The following SEC61A1 variants were observed in gnomAD, a reference collection of about 807,000 sequenced individuals.
SEC61A1 encodes the protein SEC61 translocon subunit alpha 1, also known as protein transport protein Sec61 subunit alpha isoform 1.
A neutral mutation model predicts 55.2 loss-of-function variants in SEC61A1; 15 were observed. That is an observed-to-expected ratio of 0.27 (90% CI 0.18 to 0.42). The LOEUF (loss-of-function observed/expected upper bound fraction) is 0.42. Among genes scored for constraint, SEC61A1 ranks in the 10% least tolerant of loss-of-function variants. The pLI is 1.00. For synonymous variants in SEC61A1, 247 were observed against 234.0 expected (o/e 1.06, Z -0.51); for missense variants, 284 against 602.6 (o/e 0.47, Z 5.53).
Position 128,071,030 on chromosome 3 carries a change from T to A in SEC61A1, c.*1368T>A, listed in dbSNP as rs886444313. On this transcript the variant is annotated 3_prime_UTR_variant, in exon 12 of 12. Coordinates refer to ENST00000243253, the MANE Select transcript of SEC61A1 (RefSeq NM_013336.4). ...CCTAAGAAGGGGGCCTGGGGGTGCG[T>A]GCAGCCTGTCGGGGAGACCCCACTC... 8.5e-5 allele frequency: 13 copies of A among 152,310 alleles called. No homozygotes were observed. The highest frequency in any genetic ancestry group is 3.1e-4 in the African/African-American group (13 of 41,454). 9.4% of individuals were successfully genotyped at this position (152,310 alleles called of 1,614,324 possible). A position where few individuals can be genotyped will look rare whatever the true frequency, so the allele number is the denominator to read the frequency against.
chr3:128,054,886 G>A (rs575258869), intron 2 of SEC61A1, among the ~76,000 whole-genome samples: 1 of 152,314 alleles, frequency 6.6e-6, no homozygotes, highest in East Asian at 1.9e-4. Context: ...CATCTTTACA[G>A]TGATTCTTGT....
intron 5 of SEC61A1, among the ~76,000 whole-genome samples, chr3:128,058,075 T>C (rs1941798825): frequency 6.6e-6 from 1 of 152,162 alleles, no homozygotes; most frequent in Admixed American, 6.5e-5. Flanking sequence ...TTAGCCTCTG[T>C]TTGCTGAAAA....
At position 128,067,849 on chromosome 3, in the gene SEC61A1, C is replaced by G. The variant is rs569165517; in HGVS notation, c.1168-134C>G. 1.3e-6 allele frequency: 1 copy of G among 770,826 alleles called. No homozygotes were observed. The highest frequency in any genetic ancestry group is 2.2e-6 in the Non-Finnish European group (1 of 451,418). The allele number at this position is 770,826 out of a possible 1,614,324, so 47.7% of individuals were successfully genotyped here. On this transcript the variant is annotated intron_variant, in intron 10 of 11. Coordinates refer to ENST00000243253, the MANE Select transcript of SEC61A1 (RefSeq NM_013336.4). This position sits in a 1 kb window ranked among gnomAD's most constrained non-coding sequence, Gnocchi z 4.1. ...TAGACTTTTTCATATGACTTCCTTG[C>G]GGCAGTTTTAAAGTTCTCTGTATGA...
rs1478129713 is a variant in SEC61A1, at chr3:128,070,098, T to C, written c.*436T>C. On this transcript the variant is annotated 3_prime_UTR_variant, in exon 12 of 12. Coordinates refer to ENST00000243253, the MANE Select transcript of SEC61A1 (RefSeq NM_013336.4). ...GGTGTGAAGCTGGGAGCAGATCATG[T>C]ATTTCCCGGAGACGTGGGACCTTGC... 1.3e-5 allele frequency: 2 copies of C among 156,660 alleles called. No homozygotes were observed. Among genetic ancestry groups the C allele is most frequent in the African/African-American group, 4.8e-5 (2 of 41,530 alleles). The allele number at this position is 156,660 out of a possible 1,614,324, so 9.7% of individuals were successfully genotyped here.
rs772756077 is a variant in SEC61A1, at chr3:128,064,865, C to T, written c.617-12C>T. 4.4e-6 allele frequency: 7 copies of T among 1,584,646 alleles called. 1 individual carries two copies. The highest frequency in any genetic ancestry group is 5.2e-6 in the Non-Finnish European group (6 of 1,164,358). On this transcript the variant is annotated splice_polypyrimidine_tract_variant and intron_variant, in intron 7 of 11. Transcript: ENST00000243253. Reference sequence around the variant, plus strand: ...TTCGTTCCTTCATATATGTCTCCTCCTCTGCCAACAGGAATGGAATTTGAA... The same window carrying T: ...TTCGTTCCTTCATATATGTCTCCTCTTCTGCCAACAGGAATGGAATTTGAA...
rs746645553 is a variant in SEC61A1, at chr3:128,055,505, T to G, written c.76-11T>G. 3 of 1,603,030 alleles carry G rather than the reference T, an allele frequency of 1.9e-6. No homozygotes were observed. The highest frequency in any genetic ancestry group is 4.5e-5 in the East Asian group (2 of 44,824). On this transcript the variant is annotated splice_polypyrimidine_tract_variant and intron_variant, in intron 2 of 11. Coordinates refer to ENST00000243253, the MANE Select transcript of SEC61A1 (RefSeq NM_013336.4). ...TAACTCCCTGCTTCAATTCATTCTCTCCTACTCTAGATTCAGTTTAAGGAG... is the reference window on the plus strand; with the variant it reads ...TAACTCCCTGCTTCAATTCATTCTCGCCTACTCTAGATTCAGTTTAAGGAG...
rs374916673 is a variant in SEC61A1 at position 128,056,697 on chromosome 3, C to T, written c.221-12C>T. 9.2e-6 allele frequency: 14 copies of T among 1,517,900 alleles called. No homozygotes were observed. The highest frequency in any genetic ancestry group is 4.2e-5 in the African/African-American group (3 of 71,842). The allele number at this position is 1,517,900 out of a possible 1,614,324, so 94.0% of individuals were successfully genotyped here. The stretch of plus-strand genomic sequence containing the variant: ...GCTGATATTGACTGTTTTGCTTCCC[C>T]GTTTCCTCAAGGCACATTGATGGAG... On this transcript the variant is annotated splice_polypyrimidine_tract_variant and intron_variant, in intron 4 of 11. Transcript: ENST00000243253.
At chr3:128,061,389 A>G (rs1941848799) in intron 7 of SEC61A1, among the ~76,000 whole-genome samples, 1 of 152,248 alleles carries the variant, frequency 6.6e-6, no homozygotes, top group East Asian at 1.9e-4. Context: ...GAAGCCTTAG[A>G]GAGTGTGACT....
intron 2 of SEC61A1, among the ~76,000 whole-genome samples, chr3:128,054,437 C>G (rs1941739830): frequency 6.6e-6 from 1 of 152,178 alleles, no homozygotes; most frequent in Non-Finnish European, 1.5e-5. Flanking sequence ...GGGAAGAGGA[C>G]CATTCTCAAG....
At position 128,069,908 on chromosome 3, in the gene SEC61A1, G is replaced by C. The variant is rs1242231255; in HGVS notation, c.*246G>C. The C allele has an allele frequency of 2.1e-6, 1 of 472,788 alleles. No homozygotes were observed. The highest frequency in any genetic ancestry group is 3.8e-6 in the Non-Finnish European group (1 of 265,066). The allele number at this position is 472,788 out of a possible 1,614,324, so 29.3% of individuals were successfully genotyped here. A position where few individuals can be genotyped will look rare whatever the true frequency, so the allele number is the denominator to read the frequency against. ...GCCGACTGCCAGAGAAGTGGGAATG[G>C]TATAGGATTGTCCCCAAGTGTCCAT... On this transcript the variant is annotated 3_prime_UTR_variant, in exon 12 of 12. Coordinates refer to ENST00000243253, the MANE Select transcript of SEC61A1 (RefSeq NM_013336.4).
intron 4 of SEC61A1, among the ~76,000 whole-genome samples, chr3:128,056,367 T>C (rs1941770870): frequency 6.6e-6 from 1 of 152,238 alleles, no homozygotes; most frequent in Non-Finnish European, 1.5e-5. Context: ...CTGGAAATTA[T>C]TTGAATGTTA....
chr3:128,064,859 C>T lies in SEC61A1; in HGVS notation c.617-18C>T, dbSNP rs1389409969. On this transcript the variant is annotated intron_variant, in intron 7 of 11. Coordinates refer to ENST00000243253, the MANE Select transcript of SEC61A1 (RefSeq NM_013336.4). ...TGCCTGTTCGTTCCTTCATATATGT[C>T]TCCTCCTCTGCCAACAGGAATGGAA... 18 of 1,576,702 alleles carry T rather than the reference C, an allele frequency of 1.1e-5. No homozygotes were observed. The highest frequency in any genetic ancestry group is 8.3e-5 in the South Asian group (7 of 84,086).
In SEC61A1 at chr3:128,060,100, A is replaced by G; in HGVS notation, c.353-2A>G. The G allele has an allele frequency of 6.2e-7, 1 of 1,606,092 alleles. No individual in the cohort carries two copies. The highest frequency in any genetic ancestry group is 8.5e-7 in the Non-Finnish European group (1 of 1,172,888). Reference sequence around the variant, plus strand: ...GAAAACACTTCTTTCTTTCAATTCTAGTATTTGGCATGATCATTACTATCG... The same window carrying G: ...GAAAACACTTCTTTCTTTCAATTCTGGTATTTGGCATGATCATTACTATCG... On this transcript the variant is annotated splice_acceptor_variant, in intron 5 of 11. Coordinates refer to ENST00000243253, the MANE Select transcript of SEC61A1 (RefSeq NM_013336.4). LOFTEE classifies it high-confidence loss of function.
At chr3:128,052,812 C>T (rs1228386366) in intron 1 of SEC61A1, 23 bp from the exon 2 acceptor site, 1 of 1,607,128 alleles carries the variant, frequency 6.2e-7, no homozygotes, top group Non-Finnish European at 8.5e-7. Flanking sequence ...CCAACTCTTC[C>T]TGTTTTGTTT....
At chr3:128,065,108 C>T (rs988823014) in intron 8 of SEC61A1, 71 bp downstream of exon 8, 3 of 1,478,080 alleles carry the variant, frequency 2.0e-6, no homozygotes, top group Non-Finnish European at 1.9e-6. Context: ...TGTGTGCAGT[C>T]CCCCACTCTG....
At chr3:128,061,101 A>G (rs2335771) in intron 7 of SEC61A1, among the ~76,000 whole-genome samples, 95,646 of 152,136 alleles carry the variant, frequency 0.63, 30,206 homozygotes, top group East Asian at 0.8. Context: ...GCACTTGGTC[A>G]TGCAAGGGGC....
intron 8 of SEC61A1, chr3:128,065,240 AT>A: frequency 1.5e-6 from 1 of 665,170 alleles, no homozygotes; most frequent in East Asian, 2.7e-5. Flanking sequence ...ACGAAACAAA[AT>A]TAAGGCAGTT....
intron 8 of SEC61A1, 70 bp downstream of exon 8, chr3:128,065,107 T>A (rs778718947): frequency 4.1e-5 from 61 of 1,480,756 alleles, no homozygotes; most frequent in Non-Finnish European, 5.6e-5. Context: ...TTGTGTGCAG[T>A]CCCCCACTCT....
upstream of SEC61A1, chr3:128,052,399 CCGCGCCGCGCCG>C: frequency 1.6e-6 from 2 of 1,212,738 alleles, no homozygotes; most frequent in Non-Finnish European, 2.1e-6. Context: ...CGGCCCCGCC[CCGCGCCGCGCCG>C]CGCCGCTTGC....
Sources: gnomAD v4.1 joint callset for allele counts (sites outside exome capture counted in the v4.1 genomes callset) on GRCh38, gnomAD v4.1.1 for gene constraint, Gnocchi (gnomAD v3.1) non-coding constraint, MANE v1.5 for transcripts, NCBI Gene and HGNC (gene_info 2026-07-23, HGNC 2026-07-21) for gene names.